Variants in NRXN1 observed in about 807,000 individuals in gnomAD.
NRXN1 encodes neurexin-1.
A neutral mutation model predicts 150.9 loss-of-function variants in NRXN1; 39 were observed. The observed-to-expected ratio is 0.26, with a 90% CI of 0.20 to 0.34. The LOEUF is 0.34. NRXN1 is among the 10% of genes least tolerant of loss of function. The pLI is 1.00. For missense variants in NRXN1, 1,815 were observed against 1,949.9 expected (o/e 0.93, Z 1.30); for synonymous variants, 924 against 757.0 (o/e 1.22, Z -3.62).
intron 2 of NRXN1, among the ~76,000 whole-genome samples, chr2:50,967,886 T>C (rs1694350859): frequency 6.6e-6 from 1 of 151,920 alleles, no homozygotes; most frequent in South Asian, 2.1e-4. Context: ...AAATTATGAA[T>C]GAAAATATGT....
intron 9 of NRXN1, 63 bp from the exon 10 acceptor site, chr2:50,538,699 T>C: frequency 7.5e-7 from 1 of 1,337,348 alleles, no homozygotes; most frequent in Non-Finnish European, 9.8e-7. Flanking sequence ...TAATTATCTT[T>C]CTCTCTTTCG....
At chr2:50,019,120 T>A (rs1392081803) in intron 21 of NRXN1, 1 of 437,614 alleles carries the variant, frequency 2.3e-6, no homozygotes, top group Non-Finnish European at 4.8e-6. Flanking sequence ...ATCTGTGCTT[T>A]CATCATCCCT....
At chr2:50,425,285 TTCAA>T (rs1282053082) in intron 17 of NRXN1, among the ~76,000 whole-genome samples, 1 of 152,188 alleles carries the variant, frequency 6.6e-6, no homozygotes, top group Non-Finnish European at 1.5e-5. Context: ...TTTGTTGCCT[TTCAA>T]TCAATGTCTT....
At chr2:49,929,774 C>T (rs149209110) in intron 22 of NRXN1, among the ~76,000 whole-genome samples, 1 of 151,988 alleles carries the variant, frequency 6.6e-6, no homozygotes, top group Non-Finnish European at 1.5e-5. Flanking sequence ...ATATAATGAG[C>T]TATAGTTAAC....
intron 2 of NRXN1, among the ~76,000 whole-genome samples, chr2:50,976,853 T>C (rs1384089987): frequency 2.0e-5 from 3 of 152,058 alleles, no homozygotes; most frequent in Non-Finnish European, 4.4e-5. Context: ...TTGTTATGCA[T>C]GCTTGGGATT....
intron 18 of NRXN1, among the ~76,000 whole-genome samples, chr2:50,234,370 T>C (rs1485790917): frequency 6.6e-6 from 1 of 152,038 alleles, no homozygotes; most frequent in Non-Finnish European, 1.5e-5. Context: ...GGTGGGCACC[T>C]GTAATCCTAG....
chr2:50,910,086 T>C (rs1042998799), intron 5 of NRXN1, among the ~76,000 whole-genome samples: 2 of 151,858 alleles, frequency 1.3e-5, no homozygotes, highest in Non-Finnish European at 2.9e-5. Context: ...CACAAAAATA[T>C]TTTGCAATTC....
intron 12 of NRXN1, among the ~76,000 whole-genome samples, chr2:50,522,112 A>G (rs1453167433): frequency 1.3e-5 from 2 of 152,172 alleles, no homozygotes; most frequent in Non-Finnish European, 2.9e-5. Flanking sequence ...AGAAACTCAA[A>G]ACAATGGAGG....
At chr2:50,753,973 G>C (rs1220426915) in intron 5 of NRXN1, among the ~76,000 whole-genome samples, 1 of 125,156 alleles carries the variant, frequency 8.0e-6, no homozygotes, top group South Asian at 2.9e-4. Flanking sequence ...TTGGGGGGGG[G>C]CGGAATTCCC....
At chr2:50,758,991 T>C (rs146511992) in intron 5 of NRXN1, among the ~76,000 whole-genome samples, 2 of 151,934 alleles carry the variant, frequency 1.3e-5, no homozygotes, top group Admixed American at 1.3e-4. Flanking sequence ...GCACAAGAGT[T>C]TGTATTAGAG....
chr2:50,354,547 G>A (rs1438584923), intron 17 of NRXN1, among the ~76,000 whole-genome samples: 1 of 89,530 alleles, frequency 1.1e-5, no homozygotes, highest in Non-Finnish European at 2.0e-5. Flanking sequence ...AGCGTCTAGA[G>A]TGCATACATA....
chr2:50,407,274 A>T (rs1183868383), intron 17 of NRXN1, among the ~76,000 whole-genome samples: 3 of 152,166 alleles, frequency 2.0e-5, no homozygotes, highest in Non-Finnish European at 4.4e-5. Flanking sequence ...AGATGCTTTT[A>T]AAGGTTTTAT....
intron 5 of NRXN1, among the ~76,000 whole-genome samples, chr2:50,732,388 T>C (rs1177701260): frequency 6.6e-6 from 1 of 152,110 alleles, no homozygotes; most frequent in African/African-American, 2.4e-5. Context: ...AGGCCAGGCC[T>C]GAAGTTAGTG....
chr2:50,235,151 T>A (rs1422470401), intron 18 of NRXN1, among the ~76,000 whole-genome samples: 1 of 152,030 alleles, frequency 6.6e-6, no homozygotes, highest in Admixed American at 6.6e-5. Flanking sequence ...TTGTTTTCAT[T>A]TTTATTTATT....
intron 17 of NRXN1, among the ~76,000 whole-genome samples, chr2:50,436,566 C>T (rs555057350): frequency 6.6e-6 from 1 of 152,118 alleles, no homozygotes; most frequent in African/African-American, 2.4e-5. Flanking sequence ...TAACTAAAAT[C>T]CCATTTTATT....
chr2:50,432,009 C>A (rs1254131936), intron 17 of NRXN1, among the ~76,000 whole-genome samples: 1 of 152,208 alleles, frequency 6.6e-6, no homozygotes, highest in Non-Finnish European at 1.5e-5. Flanking sequence ...GGCAATGCTA[C>A]TGTACAGATA....
At chr2:50,100,743 T>C (rs866973262) in intron 18 of NRXN1, among the ~76,000 whole-genome samples, 2 of 152,096 alleles carry the variant, frequency 1.3e-5, no homozygotes, top group East Asian at 3.9e-4. Flanking sequence ...CAGAGTCATC[T>C]CATTGAGATA....
At chr2:50,922,372 C>T in intron 4 of NRXN1, 3 of 538,586 alleles carry the variant, frequency 5.6e-6, no homozygotes, top group Non-Finnish European at 1.0e-5. Flanking sequence ...ACTGCATATG[C>T]TGATAAGTAT....
chr2:50,551,466 C>G (rs1667529410), intron 9 of NRXN1: 1 of 152,100 alleles, frequency 6.6e-6, no homozygotes, highest in African/African-American at 2.4e-5. Context: ...CTGAGGGAGC[C>G]CATGCAAGGA....
Sources: allele counts gnomAD v4.1 joint callset (sites outside exome capture counted in the v4.1 genomes callset), GRCh38; gene constraint gnomAD v4.1.1; transcripts MANE v1.5; gene names NCBI Gene and HGNC (gene_info 2026-07-23, HGNC 2026-07-21).